Variants in EXOC4 observed in about 807,000 individuals in gnomAD.
EXOC4 encodes exocyst complex component 4.
Under a neutral mutation model 107.2 loss-of-function variants are expected in EXOC4, and 71 were observed. The observed-to-expected ratio is 0.66, with a 90% confidence interval of 0.55 to 0.81. EXOC4 has a LOEUF of 0.81. Among genes scored for constraint, EXOC4 ranks in the 30% least tolerant of loss-of-function variants. The pLI, the probability that EXOC4 is intolerant of heterozygous loss-of-function variation, is 0.00. For missense variants in EXOC4, 1,108 were observed against 1,189.6 expected (o/e 0.93, Z 1.01); for synonymous variants, 456 against 441.2 (o/e 1.03, Z -0.42).
intron 14 of EXOC4, among the ~76,000 whole-genome samples, chr7:133,970,615 T>C (rs910898058): frequency 6.6e-6 from 1 of 152,188 alleles, no homozygotes; most frequent in Non-Finnish European, 1.5e-5. Flanking sequence ...CCCGACTCCT[T>C]GCGCTTCCTG....
At chr7:133,573,423 C>T (rs150804796) in intron 9 of EXOC4, among the ~76,000 whole-genome samples, 1 of 152,276 alleles carries the variant, frequency 6.6e-6, no homozygotes, top group Non-Finnish European at 1.5e-5. Context: ...TAGGATAGCC[C>T]TTCACTCACC....
intron 12 of EXOC4, among the ~76,000 whole-genome samples, chr7:133,913,168 T>C (rs895957192): frequency 1.3e-5 from 2 of 152,144 alleles, no homozygotes; most frequent in Admixed American, 6.5e-5. Flanking sequence ...GGGTAGTGTG[T>C]TCAACCAGCA....
intron 10 of EXOC4, among the ~76,000 whole-genome samples, chr7:133,802,868 A>G (rs1338443471): frequency 7.3e-6 from 1 of 137,016 alleles, no homozygotes; most frequent in Admixed American, 7.3e-5. Context: ...AAAAAAAAAA[A>G]GGAGAGAGAG....
At chr7:133,857,672 C>G (rs922146268) in intron 11 of EXOC4, among the ~76,000 whole-genome samples, 2 of 151,756 alleles carry the variant, frequency 1.3e-5, no homozygotes, top group African/African-American at 4.8e-5. Flanking sequence ...GCAGGCAGCT[C>G]CAGGCTCCGT....
intron 7 of EXOC4, among the ~76,000 whole-genome samples, chr7:133,403,980 A>G (rs897800825): frequency 6.6e-6 from 1 of 152,156 alleles, no homozygotes; most frequent in African/African-American, 2.4e-5. Context: ...AGTTCAGGGC[A>G]CTGGTCTCTC....
chr7:133,562,746 A>G (rs1463281920), intron 9 of EXOC4, among the ~76,000 whole-genome samples: 3 of 152,222 alleles, frequency 2.0e-5, no homozygotes, highest in African/African-American at 7.2e-5. Flanking sequence ...GGGTTCGTGT[A>G]TCATACTGGG....
At chr7:133,309,094 G>A (rs1365863124) in intron 4 of EXOC4, among the ~76,000 whole-genome samples, 2 of 152,130 alleles carry the variant, frequency 1.3e-5, no homozygotes, top group African/African-American at 4.8e-5. Flanking sequence ...AGCCGTCCTA[G>A]ACACAAGGTG....
chr7:133,318,834 A>G (rs1267855116), intron 5 of EXOC4, among the ~76,000 whole-genome samples: 4 of 152,202 alleles, frequency 2.6e-5, no homozygotes, highest in Admixed American at 2.6e-4. Flanking sequence ...TTAGTAGCCA[A>G]GTTTTAAAAA....
At chr7:133,726,562 A>G (rs1156905366) in intron 10 of EXOC4, among the ~76,000 whole-genome samples, 1 of 152,220 alleles carries the variant, frequency 6.6e-6, no homozygotes, top group Admixed American at 6.5e-5. Flanking sequence ...ACCTCTTCAT[A>G]GGCCTCCAAT....
chr7:133,509,779 A>G (rs1430572850), intron 9 of EXOC4, among the ~76,000 whole-genome samples: 1 of 152,178 alleles, frequency 6.6e-6, no homozygotes, highest in East Asian at 1.9e-4. Context: ...TGAAGATGGC[A>G]TTGTCTGTCT....
rs150640045 is a variant in EXOC4 at position 133,860,883 on chromosome 7, A to G, written c.1735-34716A>G. Among the ~76,000 whole-genome samples the G allele has an allele frequency of 1.6e-4, 25 of 152,278 alleles. No individual in the cohort carries two copies. The East Asian group carries it at 3.3e-3, about 20-fold the overall frequency. On this transcript the variant is annotated intron_variant, in intron 11 of 17. Coordinates refer to ENST00000253861, the MANE Select transcript of EXOC4 (RefSeq NM_021807.4). ...CATGTATGTGTTTATTTCTCTATGTATGACTAGAAATAATCCAAGCACTTA... is the reference window on the plus strand; with the variant it reads ...CATGTATGTGTTTATTTCTCTATGTGTGACTAGAAATAATCCAAGCACTTA...
Position 134,064,676 on chromosome 7 carries a change from G to A in EXOC4, c.*148G>A. 1 of 541,156 alleles carries A rather than the reference G, an allele frequency of 1.8e-6. No individual in the cohort carries two copies. Among genetic ancestry groups the A allele is most frequent in the Non-Finnish European group, 3.1e-6 (1 of 323,344 alleles). The allele number at this position is 541,156 out of a possible 1,614,324, so 33.5% of individuals were successfully genotyped here. A position where few individuals can be genotyped will look rare whatever the true frequency, so the allele number is the denominator to read the frequency against. ...GTAAGGATTCTTTCTCTCTGGTTTTGGCTTTTCATATAAATGCTAAAGGAA... is the reference window on the plus strand; with the variant it reads ...GTAAGGATTCTTTCTCTCTGGTTTTAGCTTTTCATATAAATGCTAAAGGAA... On this transcript the variant is annotated 3_prime_UTR_variant, in exon 18 of 18. Coordinates refer to ENST00000253861, the MANE Select transcript of EXOC4 (RefSeq NM_021807.4).
the EXOC4 span, among the ~76,000 whole-genome samples, chr7:134,074,803 C>T: frequency 1.3e-5 from 2 of 152,196 alleles, no homozygotes; most frequent in African/African-American, 4.8e-5. Flanking sequence ...TATGGAGTAT[C>T]GTAAGCCAGT....
intron 7 of EXOC4, among the ~76,000 whole-genome samples, chr7:133,443,587 G>A (rs377091179): frequency 5.9e-5 from 9 of 152,228 alleles, no homozygotes; most frequent in African/African-American, 2.2e-4. Flanking sequence ...TTGGGTGAGT[G>A]TTTGTCTCTG....
intron 2 of EXOC4, among the ~76,000 whole-genome samples, chr7:133,286,757 G>A (rs571815085): frequency 2.6e-5 from 4 of 152,324 alleles, no homozygotes; most frequent in East Asian, 3.9e-4. Context: ...GACGGAGACC[G>A]AGGGTCCATG....
Position 133,579,053 on chromosome 7 carries a change from G to A in EXOC4, c.1418-50992G>A, listed in dbSNP as rs117351580. On this transcript the variant is annotated intron_variant, in intron 9 of 17. Coordinates refer to ENST00000253861, the MANE Select transcript of EXOC4 (RefSeq NM_021807.4). ...TTTGTAATGTAGATGAAGGTAAGAT[G>A]TCCTGTCAGAACTGAAATTTGCATA... Among the ~76,000 whole-genome samples the A allele has an allele frequency of 2.7e-3, 410 of 152,178 alleles. 1 individual carries two copies. The highest frequency in any genetic ancestry group is 3.6e-3 in the Non-Finnish European group (247 of 68,008).
At position 133,823,772 on chromosome 7, in the gene EXOC4, C is replaced by T. The variant is rs372675537; in HGVS notation, c.1734+6228C>T. On this transcript the variant is annotated intron_variant, in intron 11 of 17. Transcript: ENST00000253861. ...TGGAGGTTGTAGTGAGCCAAGATAG[C>T]GCCACTGCACTCTAGCCTGGGCAGT... is the stretch of plus-strand genomic sequence containing the variant. 6.9e-4 allele frequency among the ~76,000 whole-genome samples: 94 copies of T among 137,046 alleles called. 2 individuals carry two copies. In the East Asian group the frequency reaches 0.014, roughly 21 times the overall value. The allele number at this position is 137,046 out of a possible 152,430, so 89.9% of individuals were successfully genotyped here.
intron 9 of EXOC4, among the ~76,000 whole-genome samples, chr7:133,589,901 T>TA (rs1445192425): frequency 6.6e-6 from 1 of 152,234 alleles, no homozygotes; most frequent in East Asian, 1.9e-4. Context: ...CAGGATTTTT[T>TA]ATTCCTTAGT....
intron 2 of EXOC4, among the ~76,000 whole-genome samples, chr7:133,282,082 A>G (rs1017489526): frequency 1.3e-5 from 2 of 152,178 alleles, no homozygotes; most frequent in South Asian, 2.1e-4. Flanking sequence ...CTCTCACTAT[A>G]TAGATCTCTG....
Sources: allele counts gnomAD v4.1 joint callset (sites outside exome capture counted in the v4.1 genomes callset), GRCh38; gene constraint gnomAD v4.1.1; transcripts MANE v1.5; gene names NCBI Gene and HGNC (gene_info 2026-07-23, HGNC 2026-07-21).